Variants in ELOVL7 observed in about 807,000 individuals in gnomAD.
ELOVL7 encodes very long chain fatty acid elongase 7.
ELOVL7 carries 27 observed loss-of-function variants against 35.7 expected under a neutral mutation model. The ratio of observed to expected loss-of-function variants is 0.76; its 90% confidence interval spans 0.56 to 1.04. The LOEUF (loss-of-function observed/expected upper bound fraction) is 1.04, where lower values mean the gene tolerates loss of function less well. Among genes scored for constraint, ELOVL7 ranks in the 50% least tolerant of loss-of-function variants. ELOVL7 has a pLI of 0.00. For synonymous variants in ELOVL7, 113 were observed against 114.6 expected, an observed-to-expected ratio of 0.99 and a Z score of 0.09; for missense variants, 327 against 340.8, an observed-to-expected ratio of 0.96 and a Z score of 0.32.
rs1741357160 is a variant in ELOVL7, at chr5:60,753,182, ACAGTGC to A, written c.*1436_*1441del. On this transcript the variant is annotated 3_prime_UTR_variant, in exon 9 of 9. Transcript: ENST00000508821. Reference sequence around the variant, plus strand: ...ATTGTTTAAAGTCCTACAAACATAAACAGTGCTTCAAAATTGAGTATAAATAAAAGA... The same window carrying A: ...ATTGTTTAAAGTCCTACAAACATAAATTCAAAATTGAGTATAAATAAAAGA... 1 of 152,004 alleles carries A rather than the reference ACAGTGC, an allele frequency of 6.6e-6. No individual in the cohort carries two copies. Among genetic ancestry groups the A allele is most frequent in the Non-Finnish European group, 1.5e-5 (1 of 67,970 alleles). 9.4% of individuals were successfully genotyped at this position (152,004 alleles called of 1,614,324 possible).
chr5:60,837,531 T>A (rs1431665366), intron 1 of ELOVL7, among the ~76,000 whole-genome samples: 1 of 152,194 alleles, frequency 6.6e-6, no homozygotes. Flanking sequence ...TAATTTTCAA[T>A]AAGATGTTTT....
intron 1 of ELOVL7, chr5:60,843,685 C>T (rs754637097): frequency 6.6e-6 from 1 of 152,392 alleles, no homozygotes. Context: ...GGGAAAATGA[C>T]CTCCGCGTCC....
chr5:60,838,439 A>T (rs1240650498), intron 1 of ELOVL7, among the ~76,000 whole-genome samples: 1 of 152,256 alleles, frequency 6.6e-6, no homozygotes. Context: ...TTTGTAACTT[A>T]CATTTACTTG....
chr5:60,829,190 A>T (rs1391275046), intron 1 of ELOVL7, among the ~76,000 whole-genome samples: 1 of 152,030 alleles, frequency 6.6e-6, no homozygotes. Flanking sequence ...ATACTAGGAG[A>T]TGGTTCTTGT....
At chr5:60,821,297 C>T (rs1016558979) in intron 1 of ELOVL7, among the ~76,000 whole-genome samples, 1 of 152,184 alleles carries the variant, frequency 6.6e-6, no homozygotes, top group Non-Finnish European at 1.5e-5. Context: ...GACTTCTAAC[C>T]CCAATTCCTA....
intron 1 of ELOVL7, among the ~76,000 whole-genome samples, chr5:60,814,813 T>G (rs1745428714): frequency 6.6e-6 from 1 of 152,108 alleles, no homozygotes; most frequent in African/African-American, 2.4e-5. Context: ...TGAAATGAAT[T>G]TCATCAATCA....
chr5:60,799,289 TAGAAAA>T (rs373062977), intron 1 of ELOVL7, 59 bp from the exon 2 acceptor site: 70 of 150,370 alleles, frequency 4.7e-4, no homozygotes, highest in African/African-American at 1.7e-3. Flanking sequence ...TTCAAGAAAC[TAGAAAA>T]AGAAAAACAA....
At position 60,836,665 on chromosome 5, in the gene ELOVL7, C is replaced by T. The variant is rs150840115; in HGVS notation, c.-86+7495G>A. 9.2e-5 allele frequency among the ~76,000 whole-genome samples: 14 copies of T among 152,056 alleles called. No homozygotes were observed. In the South Asian group the frequency reaches 2.9e-3, roughly 32 times the overall value. ...ATAAGTGCCCTTTACTTTTGTTCTG[C>T]CCTTGTTAGAGCATTTAATTAAAAT... On this transcript the variant is annotated intron_variant, in intron 1 of 8. Transcript: ENST00000508821.
intron 1 of ELOVL7, among the ~76,000 whole-genome samples, chr5:60,824,284 C>A (rs181749803): frequency 6.6e-6 from 1 of 152,140 alleles, no homozygotes; most frequent in African/African-American, 2.4e-5. Context: ...AAGGTTATCA[C>A]AGTTGAGTCA....
At chr5:60,832,896 G>C (rs1746564697) in intron 1 of ELOVL7, among the ~76,000 whole-genome samples, 1 of 152,138 alleles carries the variant, frequency 6.6e-6, no homozygotes. Flanking sequence ...AAATAATACA[G>C]TTTTTTCTTT....
intron 4 of ELOVL7, chr5:60,768,731 C>T: frequency 2.2e-6 from 1 of 455,206 alleles, no homozygotes; most frequent in Non-Finnish European, 4.4e-6. Context: ...TAACTTAACA[C>T]ATATATGAAA....
chr5:60,805,950 T>G (rs1387734313), intron 1 of ELOVL7, among the ~76,000 whole-genome samples: 1 of 152,230 alleles, frequency 6.6e-6, no homozygotes, highest in Non-Finnish European at 1.5e-5. Context: ...TTGAACTGTG[T>G]CTTCCCAACA....
At chr5:60,788,132 G>A (rs544690873) in intron 2 of ELOVL7, among the ~76,000 whole-genome samples, 1 of 152,278 alleles carries the variant, frequency 6.6e-6, no homozygotes, top group Non-Finnish European at 1.5e-5. Context: ...AGATTAGAAT[G>A]TTCAGAAATA....
intron 3 of ELOVL7, among the ~76,000 whole-genome samples, chr5:60,782,282 C>T (rs1350932071): frequency 6.6e-6 from 1 of 152,052 alleles, no homozygotes; most frequent in Non-Finnish European, 1.5e-5. Context: ...GAAAAGAGAA[C>T]CCTTGTACAA....
chr5:60,834,068 T>C (rs1253563783), intron 1 of ELOVL7, among the ~76,000 whole-genome samples: 3 of 152,222 alleles, frequency 2.0e-5, no homozygotes, highest in Non-Finnish European at 4.4e-5. Flanking sequence ...GCTAATGATA[T>C]ATTTTTGCTT....
In ELOVL7 at chr5:60,752,011, C is replaced by G. The variant is rs1741308786; in HGVS notation, c.*2613G>C. 1.3e-5 allele frequency: 2 copies of G among 152,048 alleles called. No homozygotes were observed. Among genetic ancestry groups the G allele is most frequent in the Admixed American group, 6.5e-5 (1 of 15,280 alleles). The allele number at this position is 152,048 out of a possible 1,614,324, so 9.4% of individuals were successfully genotyped here. ...TATTTATAATATAGATATAGGCCCT[C>G]AAGGATTCATAGAGATTTATGTAAT... On this transcript the variant is annotated 3_prime_UTR_variant, in exon 9 of 9. Transcript: ENST00000508821.
At chr5:60,817,111 T>C (rs1406658758) in intron 1 of ELOVL7, among the ~76,000 whole-genome samples, 1 of 152,054 alleles carries the variant, frequency 6.6e-6, no homozygotes, top group East Asian at 1.9e-4. Context: ...ATGACCACTT[T>C]AAATATTTAT....
chr5:60,794,878 G>A (rs1744153776), intron 2 of ELOVL7, among the ~76,000 whole-genome samples: 1 of 152,130 alleles, frequency 6.6e-6, no homozygotes, highest in African/African-American at 2.4e-5. Flanking sequence ...GAGCTCTGTG[G>A]TGGAACTGGG....
At chr5:60,838,885 T>C (rs1746987692) in intron 1 of ELOVL7, among the ~76,000 whole-genome samples, 1 of 151,622 alleles carries the variant, frequency 6.6e-6, no homozygotes, top group African/African-American at 2.4e-5. Flanking sequence ...TTAGCCATCT[T>C]GGTGGTGAGT....
Sources: allele counts gnomAD v4.1 joint callset (sites outside exome capture counted in the v4.1 genomes callset), GRCh38; gene constraint gnomAD v4.1.1; transcripts MANE v1.5; gene names NCBI Gene and HGNC (gene_info 2026-07-23, HGNC 2026-07-21).